FANCD2OS: variants seen among roughly 807,000 people sequenced by gnomAD.
FANCD2OS encodes the protein FANCD2 opposite strand, also known as FANCD2 opposite strand protein.
A neutral mutation model predicts 13.2 loss-of-function variants in FANCD2OS; 11 were observed. The ratio of observed to expected loss-of-function variants is 0.83; its 90% confidence interval spans 0.52 to 1.38. FANCD2OS has a LOEUF of 1.38. Ranked by LOEUF, FANCD2OS falls within the 40% of genes most tolerant of loss-of-function variation. FANCD2OS has a pLI of 0.00. For missense variants in FANCD2OS, 217 were observed against 213.9 expected (o/e 1.01, Z -0.09); for synonymous variants, 69 against 84.5 (o/e 0.82, Z 1.01).
intron 2 of FANCD2OS, chr3:10,096,504 C>A: frequency 6.2e-7 from 1 of 1,609,402 alleles, no homozygotes; most frequent in Non-Finnish European, 8.5e-7. Flanking sequence ...TGATAATCCC[C>A]TACTCTTATT....
intron 2 of FANCD2OS, among the ~76,000 whole-genome samples, chr3:10,091,436 C>T (rs1185817429): frequency 2.7e-5 from 4 of 149,690 alleles, no homozygotes; most frequent in African/African-American, 7.4e-5. Context: ...TGCACCACTG[C>T]ACTCCAACCT....
chr3:10,087,797 C>T (rs1229192399), intron 2 of FANCD2OS, among the ~76,000 whole-genome samples: 1 of 152,012 alleles, frequency 6.6e-6, no homozygotes, highest in African/African-American at 2.4e-5. Flanking sequence ...TACAGGTGCG[C>T]ACCACCGTGC....
intron 2 of FANCD2OS, chr3:10,093,369 A>G: frequency 2.0e-6 from 3 of 1,496,270 alleles, no homozygotes; most frequent in Non-Finnish European, 2.8e-6. Flanking sequence ...CTTCCTGTGG[A>G]TCACTCTAGA....
At chr3:10,083,001 T>G (rs1693940387) in intron 2 of FANCD2OS, among the ~76,000 whole-genome samples, 1 of 151,940 alleles carries the variant, frequency 6.6e-6, no homozygotes, top group East Asian at 1.9e-4. Flanking sequence ...CCAAGGTGGG[T>G]GGATCACTTG....
At chr3:10,107,431 G>A (rs891422618) in intron 1 of FANCD2OS, among the ~76,000 whole-genome samples, 4 of 151,808 alleles carry the variant, frequency 2.6e-5, no homozygotes, top group South Asian at 2.1e-4. Context: ...GACTACAGGC[G>A]CCTGCCACCA....
chr3:10,091,194 C>T (rs371997090), intron 2 of FANCD2OS, among the ~76,000 whole-genome samples: 3 of 149,690 alleles, frequency 2.0e-5, no homozygotes, highest in African/African-American at 4.9e-5. Flanking sequence ...GATCCTCCCA[C>T]GTCAGCCTCC....
downstream of FANCD2OS, chr3:10,101,092 A>T: frequency 1.1e-6 from 1 of 926,708 alleles, no homozygotes; most frequent in Non-Finnish European, 1.7e-6. Context: ...TTTAACAGTG[A>T]TAATAGTACA....
intron 2 of FANCD2OS, among the ~76,000 whole-genome samples, chr3:10,097,019 G>A (rs1272806175): frequency 6.6e-6 from 1 of 152,138 alleles, no homozygotes; most frequent in Non-Finnish European, 1.5e-5. Flanking sequence ...GACATCACAC[G>A]TTGATAGGAT....
chr3:10,104,891 G>T, intron 1 of FANCD2OS, 109 bp from the exon 2 acceptor site: 2 of 884,126 alleles, frequency 2.3e-6, no homozygotes, highest in Non-Finnish European at 3.3e-6. Flanking sequence ...TTGTTCTATA[G>T]TTCCCATGAA....
At chr3:10,098,682 A>G (rs376698548), downstream of FANCD2OS, 1 of 1,611,766 alleles carries the variant, frequency 6.2e-7, no homozygotes, top group Non-Finnish European at 8.5e-7. Flanking sequence ...AAATGTGATC[A>G]TTATAACCCA....
intron 2 of FANCD2OS, among the ~76,000 whole-genome samples, chr3:10,091,311 G>A (rs1481574782): frequency 6.6e-6 from 1 of 151,540 alleles, no homozygotes; most frequent in East Asian, 1.9e-4. Context: ...GAACTCATAG[G>A]CTCAAGCAAT....
chr3:10,105,760 A>T (rs1559414932), intron 1 of FANCD2OS, among the ~76,000 whole-genome samples: 19 of 70,592 alleles, frequency 2.7e-4, no homozygotes, highest in African/African-American at 4.6e-4. Flanking sequence ...AAAAAAAAAA[A>T]AAAAAAAAAA....
chr3:10,086,588 T>G lies in FANCD2OS; in HGVS notation c.*44-5057A>C, dbSNP rs554618594. 6.6e-5 allele frequency among the ~76,000 whole-genome samples: 10 copies of G among 152,290 alleles called. 1 individual carries two copies. In the South Asian group the frequency reaches 8.3e-4, roughly 13 times the overall value. ...CCTCCACCTCCTGGGCTCAAGTGAT[T>G]GTACTGCCTCAGCCTCCCAAGACGC... On this transcript the variant is annotated intron_variant, in intron 2 of 2. Coordinates refer to the FANCD2OS transcript ENST00000524279.
chr3:10,107,158 T>C (rs1379986332), intron 1 of FANCD2OS, among the ~76,000 whole-genome samples: 1 of 152,108 alleles, frequency 6.6e-6, no homozygotes, highest in Non-Finnish European at 1.5e-5. Context: ...AGAGCACATA[T>C]CCAAGAGAGG....
chr3:10,090,440 CTGATT>C, intron 2 of FANCD2OS: 3 of 552,954 alleles, frequency 5.4e-6, no homozygotes, highest in Non-Finnish European at 9.0e-6. Flanking sequence ...TTGGAAGTTG[CTGATT>C]TTTTTTTTTT....
At chr3:10,092,646 C>T (rs1694711688) in intron 2 of FANCD2OS, among the ~76,000 whole-genome samples, 1 of 151,432 alleles carries the variant, frequency 6.6e-6, no homozygotes, top group African/African-American at 2.4e-5. Flanking sequence ...CTTGTTCCCC[C>T]AGCCTAGAAT....
rs565351425 is a variant in FANCD2OS at position 10,092,684 on chromosome 3, CTTTTT to C, written c.*44-11158_*44-11154del. Among the ~76,000 whole-genome samples the C allele has an allele frequency of 1.6e-3, 118 of 72,050 alleles. 2 individuals carry two copies. Among genetic ancestry groups the C allele is most frequent in the South Asian group, 0.01 (20 of 1,994 alleles). 47.3% of individuals were successfully genotyped at this position (72,050 alleles called of 152,430 possible). On this transcript the variant is annotated intron_variant, in intron 2 of 2. Coordinates refer to the FANCD2OS transcript ENST00000524279. Reference sequence around the variant, plus strand: ...CCTTGTCTCTCCACCTCTTTCATGTCTTTTTTTTTTTTTTTTTTTTTTTTTTGAGG... The same window carrying C: ...CCTTGTCTCTCCACCTCTTTCATGTCTTTTTTTTTTTTTTTTTTTTTGAGG...
downstream of FANCD2OS, among the ~76,000 whole-genome samples, chr3:10,098,437 G>A (rs892369227): frequency 6.6e-6 from 1 of 151,990 alleles, no homozygotes; most frequent in African/African-American, 2.4e-5. Context: ...CATCGACTTA[G>A]AGTCACCAAT....
chr3:10,105,772 TTATATATATATATA>T (rs574690780), intron 1 of FANCD2OS, among the ~76,000 whole-genome samples: 259 of 22,614 alleles, frequency 0.011, 2 homozygotes, highest in South Asian at 0.052. Context: ...AAAAAAAAAA[TTATATATATATATA>T]TATATATATA....
Sources: allele counts gnomAD v4.1 joint callset (sites outside exome capture counted in the v4.1 genomes callset), GRCh38; gene constraint gnomAD v4.1.1; transcripts MANE v1.5; gene names NCBI Gene and HGNC (gene_info 2026-07-23, HGNC 2026-07-21).